DPP6: variants seen among roughly 807,000 people sequenced by gnomAD.
DPP6 encodes A-type potassium channel modulatory protein DPP6.
In DPP6, 69 loss-of-function variants were observed where a neutral mutation model predicts 122.6. The ratio of observed to expected loss-of-function variants is 0.56; its 90% CI spans 0.46 to 0.69. The LOEUF is 0.69. DPP6 is among the 30% of genes least tolerant of loss of function. The pLI, the probability that DPP6 is intolerant of heterozygous loss-of-function variation, is 0.00. For synonymous variants in DPP6, 418 were observed against 433.1 expected (o/e 0.97, Z 0.43); for missense variants, 928 against 1,116.9 (o/e 0.83, Z 2.41).
the DPP6 span, among the ~76,000 whole-genome samples, chr7:153,794,440 C>A: frequency 6.6e-6 from 1 of 152,182 alleles, no homozygotes; most frequent in South Asian, 2.1e-4. Flanking sequence ...CAGCCAATTT[C>A]TCCCATTTGG....
chr7:154,638,563 T>C (rs10901040), intron 6 of DPP6, among the ~76,000 whole-genome samples: 115,159 of 152,008 alleles, frequency 0.76, 43,737 homozygotes, highest in East Asian at 0.92. Flanking sequence ...TAACCTCATC[T>C]GGTCTCTCAA....
In DPP6 at chr7:153,928,397, T is replaced by TG. The variant is rs1491345121; in HGVS notation, c.51+40663_51+40664insG. ...TGGCTAATTTTTTTCTTTTCTTTCA[T>TG]TTTTTTTTTTTTTTTTTTTTTTTTG... On this transcript the variant is annotated intron_variant, in intron 1 of 25. Transcript: ENST00000404039. Among the ~76,000 whole-genome samples, 23 of 23,254 alleles carry TG rather than the reference T, an allele frequency of 9.9e-4. 1 individual carries two copies. Among genetic ancestry groups the TG allele is most frequent in the African/African-American group, 4.5e-3 (23 of 5,132 alleles). The allele number at this position is 23,254 out of a possible 152,430, so 15.3% of individuals were successfully genotyped here. A position where few individuals can be genotyped will look rare whatever the true frequency, so the allele number is the denominator to read the frequency against.
At chr7:154,780,246 C>T (rs1233953705) in intron 10 of DPP6, among the ~76,000 whole-genome samples, 2 of 152,222 alleles carry the variant, frequency 1.3e-5, no homozygotes, top group Non-Finnish European at 2.9e-5. Context: ...AAAGGAAATT[C>T]ACAAAGTTCC....
intron 3 of DPP6, among the ~76,000 whole-genome samples, chr7:154,501,795 G>A (rs193071727): frequency 1.3e-4 from 20 of 152,284 alleles, no homozygotes; most frequent in Non-Finnish European, 2.2e-4. Context: ...ACTGCCTAGC[G>A]GAGCTATAAG....
intron 1 of DPP6, among the ~76,000 whole-genome samples, chr7:154,207,822 G>T (rs971512939): frequency 4.6e-5 from 7 of 152,120 alleles, no homozygotes; most frequent in African/African-American, 1.7e-4. Flanking sequence ...GGATGCGATG[G>T]CGCAGGCCTG....
At chr7:154,220,468 A>T (rs1007856679) in intron 1 of DPP6, among the ~76,000 whole-genome samples, 1 of 152,322 alleles carries the variant, frequency 6.6e-6, no homozygotes, top group East Asian at 1.9e-4. Context: ...ACTATTGGGC[A>T]TTAGACTTAG....
chr7:154,206,814 A>G (rs1165670674), intron 1 of DPP6, among the ~76,000 whole-genome samples: 2 of 152,210 alleles, frequency 1.3e-5, no homozygotes, highest in Non-Finnish European at 2.9e-5. Context: ...GGAATTGTTC[A>G]CTTTGAAATG....
At chr7:154,540,410 T>C in intron 3 of DPP6, 122 bp from the exon 4 acceptor site, 1 of 673,814 alleles carries the variant, frequency 1.5e-6, no homozygotes, top group South Asian at 1.7e-5. Flanking sequence ...AAGGGCCGTT[T>C]GATGAGTGGG....
intron 2 of DPP6, among the ~76,000 whole-genome samples, chr7:154,452,255 T>A (rs1229500592): frequency 6.6e-6 from 1 of 152,190 alleles, no homozygotes; most frequent in Non-Finnish European, 1.5e-5. Flanking sequence ...CACAGTAGTG[T>A]TATCATTAAG....
At chr7:154,227,734 G>C (rs143309448) in intron 1 of DPP6, among the ~76,000 whole-genome samples, 40 of 152,232 alleles carry the variant, frequency 2.6e-4, no homozygotes, top group African/African-American at 9.6e-4. Flanking sequence ...TTCAGGGTGG[G>C]TAAGACTTAT....
intron 1 of DPP6, among the ~76,000 whole-genome samples, chr7:154,355,619 C>T (rs1303692153): frequency 6.6e-6 from 1 of 152,144 alleles, no homozygotes; most frequent in Non-Finnish European, 1.5e-5. Context: ...AGTGAAGACA[C>T]CATGCTTTCC....
intron 25 of DPP6, 109 bp from the exon 26 acceptor site, chr7:154,892,225 C>G: frequency 2.1e-6 from 3 of 1,445,854 alleles, no homozygotes; most frequent in Non-Finnish European, 2.8e-6. Context: ...CAACTACAAT[C>G]CAGCCCCGGA....
intron 5 of DPP6, chr7:154,588,609 GT>G (rs1832621588): frequency 6.6e-6 from 1 of 152,346 alleles, no homozygotes; most frequent in African/African-American, 2.4e-5. Context: ...AATAAAAGAA[GT>G]AGATTCTCCC....
chr7:154,327,983 A>C (rs1438477270), intron 1 of DPP6, among the ~76,000 whole-genome samples: 3 of 152,192 alleles, frequency 2.0e-5, no homozygotes, highest in Non-Finnish European at 4.4e-5. Flanking sequence ...TAATGCTTTT[A>C]GCGGGAGTGC....
At chr7:154,847,099 C>A (rs1377587593) in intron 16 of DPP6, among the ~76,000 whole-genome samples, 1 of 152,144 alleles carries the variant, frequency 6.6e-6, no homozygotes, top group African/African-American at 2.4e-5. Context: ...AGATGTGTTC[C>A]CAGGAGTGGA....
At chr7:154,167,030 C>T (rs897180600) in intron 1 of DPP6, among the ~76,000 whole-genome samples, 3 of 149,498 alleles carry the variant, frequency 2.0e-5, no homozygotes, top group African/African-American at 7.7e-5. Context: ...GTGTGGGGCT[C>T]ATGTGCTGAG....
intron 1 of DPP6, among the ~76,000 whole-genome samples, chr7:154,153,644 C>A (rs571224771): frequency 6.6e-6 from 1 of 152,340 alleles, no homozygotes; most frequent in East Asian, 1.9e-4. Context: ...CAGCAGCCAT[C>A]CCCAGAGCAG....
chr7:154,002,803 G>A (rs1797745144), intron 1 of DPP6, among the ~76,000 whole-genome samples: 1 of 152,124 alleles, frequency 6.6e-6, no homozygotes, highest in Admixed American at 6.5e-5. Context: ...GTAGGCCCAA[G>A]CCCAGAGGAC....
intron 7 of DPP6, among the ~76,000 whole-genome samples, chr7:154,696,821 G>A (rs1484142060): frequency 6.6e-6 from 1 of 152,224 alleles, no homozygotes; most frequent in African/African-American, 2.4e-5. Context: ...GCCAAAGGCC[G>A]ATTATGGAGA....
Sources: gnomAD v4.1 joint callset for allele counts (sites outside exome capture counted in the v4.1 genomes callset) on GRCh38, gnomAD v4.1.1 for gene constraint, MANE v1.5 for transcripts, NCBI Gene and HGNC (gene_info 2026-07-23, HGNC 2026-07-21) for gene names.